The following EPHA6 variants were observed in gnomAD, a reference collection of about 807,000 sequenced individuals.
The protein encoded by EPHA6 is EPH receptor A6.
Under a neutral mutation model 112.0 loss-of-function variants are expected in EPHA6, and 50 were observed. That is an observed-to-expected ratio of 0.45 (90% CI 0.36 to 0.56). The LOEUF is 0.56. EPHA6 is among the 20% of genes least tolerant of loss of function. EPHA6 has a pLI of 0.00. For missense variants in EPHA6, 1,280 were observed against 1,417.4 expected (o/e 0.90, Z 1.56); for synonymous variants, 529 against 490.7 (o/e 1.08, Z -1.03).
intron 3 of EPHA6, among the ~76,000 whole-genome samples, chr3:97,172,689 A>G (rs552136125): frequency 6.6e-6 from 1 of 152,048 alleles, no homozygotes; most frequent in Non-Finnish European, 1.5e-5. Flanking sequence ...TGCTTTGATC[A>G]TAACATTCCA....
chr3:97,398,261 G>A (rs909178089), intron 5 of EPHA6, among the ~76,000 whole-genome samples: 12 of 151,306 alleles, frequency 7.9e-5, no homozygotes, highest in Non-Finnish European at 1.5e-4. Flanking sequence ...TTAACCATAA[G>A]ATTGTATATA....
At chr3:97,004,965 G>T (rs2043820963) in intron 3 of EPHA6, among the ~76,000 whole-genome samples, 1 of 152,060 alleles carries the variant, frequency 6.6e-6, no homozygotes, top group South Asian at 2.1e-4. Context: ...CTGATCCTTT[G>T]GTCTATATGT....
chr3:97,020,148 A>G (rs981472483), intron 3 of EPHA6, among the ~76,000 whole-genome samples: 1 of 152,106 alleles, frequency 6.6e-6, no homozygotes, highest in Admixed American at 6.5e-5. Context: ...GAGCTTTCCT[A>G]GTGTTTTCTG....
At chr3:97,425,695 G>A (rs1455921234) in intron 6 of EPHA6, among the ~76,000 whole-genome samples, 1 of 152,258 alleles carries the variant, frequency 6.6e-6, no homozygotes, top group Non-Finnish European at 1.5e-5. Context: ...AATTTCTGCA[G>A]GAGGCTTGAC....
At chr3:97,731,391 G>C (rs1451573180) in intron 15 of EPHA6, among the ~76,000 whole-genome samples, 3 of 152,000 alleles carry the variant, frequency 2.0e-5, no homozygotes, top group Non-Finnish European at 4.4e-5. Context: ...AGAAAGCTGA[G>C]CTAGAGCTGC....
intron 14 of EPHA6, among the ~76,000 whole-genome samples, chr3:97,702,759 T>C (rs1370133181): frequency 1.3e-5 from 2 of 152,210 alleles, no homozygotes; most frequent in Admixed American, 1.3e-4. Context: ...GAATCACTTT[T>C]ATTTATTTAT....
intron 14 of EPHA6, among the ~76,000 whole-genome samples, chr3:97,710,647 C>G (rs1193666869): frequency 2.6e-5 from 4 of 152,132 alleles, no homozygotes; most frequent in Non-Finnish European, 5.9e-5. Context: ...AGATACAAGT[C>G]CAGTTCCCTC....
At chr3:97,512,561 T>C (rs1443033017) in intron 10 of EPHA6, among the ~76,000 whole-genome samples, 1 of 151,954 alleles carries the variant, frequency 6.6e-6, no homozygotes, top group African/African-American at 2.4e-5. Flanking sequence ...CCAATGAAAA[T>C]ACTGATTATT....
chr3:97,001,174 G>A (rs2043650284), intron 3 of EPHA6, among the ~76,000 whole-genome samples: 1 of 151,492 alleles, frequency 6.6e-6, no homozygotes, highest in Non-Finnish European at 1.5e-5. Context: ...CTATTTTGAA[G>A]AAAATGTGAT....
At chr3:97,465,487 C>CT (rs1286566149) in intron 7 of EPHA6, among the ~76,000 whole-genome samples, 1 of 151,786 alleles carries the variant, frequency 6.6e-6, no homozygotes, top group African/African-American at 2.4e-5. Context: ...TGGGGTTGGC[C>CT]TTTTTAAAAT....
chr3:97,520,515 G>A (rs1326984912), intron 10 of EPHA6, among the ~76,000 whole-genome samples: 2 of 152,152 alleles, frequency 1.3e-5, no homozygotes, highest in Non-Finnish European at 2.9e-5. Context: ...TTATGTTTCA[G>A]AACTTTGAAT....
chr3:97,620,394 A>G (rs2093804191), intron 13 of EPHA6, among the ~76,000 whole-genome samples: 1 of 152,024 alleles, frequency 6.6e-6, no homozygotes, highest in Admixed American at 6.6e-5. Flanking sequence ...AAATAATTGC[A>G]ACAAAAGTAA....
chr3:96,928,290 C>T (rs1374950873), intron 2 of EPHA6, among the ~76,000 whole-genome samples: 1 of 152,186 alleles, frequency 6.6e-6, no homozygotes, highest in African/African-American at 2.4e-5. Flanking sequence ...CTTAACACTG[C>T]TTTAGCTGCA....
chr3:97,036,597 A>G (rs1332822026), intron 3 of EPHA6, among the ~76,000 whole-genome samples: 2 of 152,008 alleles, frequency 1.3e-5, no homozygotes, highest in African/African-American at 4.8e-5. Context: ...TTGTATACAC[A>G]AAGAAGGATT....
In EPHA6 at chr3:97,182,004, GGAATGGA is replaced by G. The variant is rs562283753; in HGVS notation, c.1115-44256_1115-44250del. Among the ~76,000 whole-genome samples the G allele has an allele frequency of 5.7e-3, 867 of 152,040 alleles. 8 individuals are homozygous for G. Among genetic ancestry groups the G allele is most frequent in the Middle Eastern group, 0.014 (4 of 294 alleles). On this transcript the variant is annotated intron_variant, in intron 3 of 17. Coordinates refer to ENST00000389672, the MANE Select transcript of EPHA6 (RefSeq NM_001080448.3). ...ATCCCATCTTCTTTAATTTAAACTT[GGAATGGA>G]GAAGTATAACTGCCAAAGGTTGTTG...
At chr3:97,453,351 T>C (rs2090586232) in intron 7 of EPHA6, among the ~76,000 whole-genome samples, 2 of 151,846 alleles carry the variant, frequency 1.3e-5, no homozygotes, top group African/African-American at 4.8e-5. Flanking sequence ...CCACAAGAAT[T>C]AATACATTGC....
chr3:97,273,638 T>G (rs2079966627), intron 5 of EPHA6, among the ~76,000 whole-genome samples: 1 of 152,172 alleles, frequency 6.6e-6, no homozygotes, highest in African/African-American at 2.4e-5. Context: ...TAAAAGACCA[T>G]TAGTCCATTC....
At chr3:97,582,909 C>G (rs2093452521) in intron 11 of EPHA6, among the ~76,000 whole-genome samples, 1 of 151,996 alleles carries the variant, frequency 6.6e-6, no homozygotes, top group East Asian at 1.9e-4. Context: ...CCAGAACATT[C>G]TCTTTTAAAC....
chr3:97,639,499 A>G (rs2093982188), intron 14 of EPHA6, among the ~76,000 whole-genome samples: 1 of 152,162 alleles, frequency 6.6e-6, no homozygotes, highest in African/African-American at 2.4e-5. Context: ...CAAATGTAAT[A>G]TTTATAAAAA....
Sources: allele counts gnomAD v4.1 joint callset (sites outside exome capture counted in the v4.1 genomes callset), GRCh38; gene constraint gnomAD v4.1.1; transcripts MANE v1.5; gene names NCBI Gene and HGNC (gene_info 2026-07-23, HGNC 2026-07-21).